Variants in ZNF605 observed in about 807,000 individuals in gnomAD.
ZNF605 encodes the protein zinc finger protein 605.
ZNF605 carries 9 observed loss-of-function variants against 7.9 expected under a neutral mutation model. The observed-to-expected ratio is 1.14, with a 90% CI of 0.68 to 1.98. The LOEUF (loss-of-function observed/expected upper bound fraction) is 1.98. Ranked by LOEUF, ZNF605 falls within the 30% of genes most tolerant of loss-of-function variation. The pLI, the probability that ZNF605 is intolerant of heterozygous loss-of-function variation, is 0.00. For synonymous variants in ZNF605, 255 were observed against 260.1 expected (o/e 0.98, Z 0.19); for missense variants, 673 against 762.4 (o/e 0.88, Z 1.38).
At position 132,939,057 on chromosome 12, in the gene ZNF605, C is replaced by T. The variant is rs1277196646; in HGVS notation, c.16-5902G>A. 1.3e-4 allele frequency among the ~76,000 whole-genome samples: 19 copies of T among 151,466 alleles called. 1 individual carries two copies. The highest frequency in any genetic ancestry group is 5.9e-4 in the Admixed American group (9 of 15,214). ...CCCACCCACTCCATGGGCTCCCATG[C>T]GGCCCCAGCCTCCCTGACGAGCACC... On this transcript the variant is annotated intron_variant, in intron 3 of 4. Transcript: ENST00000360187.
At chr12:132,945,850 T>A in intron 2 of ZNF605, 53 bp from the exon 3 acceptor site, 3 of 678,242 alleles carry the variant, frequency 4.4e-6, no homozygotes, top group South Asian at 1.8e-5. Context: ...TTTGGGAACC[T>A]AAATCTTGGT....
chr12:132,928,789 A>C (rs1205342213), intron 4 of ZNF605, among the ~76,000 whole-genome samples: 1 of 152,076 alleles, frequency 6.6e-6, no homozygotes, highest in Non-Finnish European at 1.5e-5. Flanking sequence ...AGGTGGGAGG[A>C]CTGCTTGAGC....
intron 3 of ZNF605, 165 bp downstream of exon 3, chr12:132,945,454 CAG>C (rs1461286529): frequency 1.5e-6 from 1 of 687,910 alleles, no homozygotes; most frequent in African/African-American, 1.8e-5. Flanking sequence ...TTTCATGAAA[CAG>C]AGGATAAACC....
rs572911521 is a variant in ZNF605, at chr12:132,920,176, A to C, written c.*5197T>G. On this transcript the variant is annotated 3_prime_UTR_variant, in exon 5 of 5. Coordinates refer to ENST00000360187, the MANE Select transcript of ZNF605 (RefSeq NM_183238.4). ...TTTTTTTGAGACAGAGCCTCGCTCT[A>C]TCACCCAGGCTGGAGTGCAGTGGTG... is the stretch of plus-strand genomic sequence containing the variant. 4 of 137,118 alleles carry C rather than the reference A, an allele frequency of 2.9e-5. No individual in the cohort carries two copies. Among genetic ancestry groups the C allele is most frequent in the Non-Finnish European group, 6.2e-5 (4 of 64,082 alleles). 8.5% of individuals were successfully genotyped at this position (137,118 alleles called of 1,614,324 possible).
chr12:132,933,161 A>G lies in ZNF605; in HGVS notation c.16-6T>C. 1 of 1,604,822 alleles carries G rather than the reference A, an allele frequency of 6.2e-7. No homozygotes were observed. Among genetic ancestry groups the G allele is most frequent in the Non-Finnish European group, 8.5e-7 (1 of 1,175,482 alleles). ...GCCACATCCTCAAATGATATCTGGA[A>G]AAGCATAATCCCTGTTAAACCTGAA... is the stretch of plus-strand genomic sequence containing the variant. On this transcript the variant is annotated splice_region_variant and splice_polypyrimidine_tract_variant and intron_variant, in intron 3 of 4. Coordinates refer to ENST00000360187, the MANE Select transcript of ZNF605 (RefSeq NM_183238.4). This position sits in a 1 kb window ranked among gnomAD's most constrained non-coding sequence, Gnocchi z 4.4.
intron 1 of ZNF605, among the ~76,000 whole-genome samples, chr12:132,951,698 A>T (rs372845889): frequency 0.024 from 3,636 of 152,098 alleles, 145 homozygotes; most frequent in African/African-American, 0.082. Context: ...TCAGATATAC[A>T]CGTACACCAC....
intron 1 of ZNF605, among the ~76,000 whole-genome samples, chr12:132,955,667 C>A (rs892882150): frequency 6.6e-6 from 1 of 152,104 alleles, no homozygotes; most frequent in African/African-American, 2.4e-5. Context: ...GCAGGCTTTC[C>A]AGTGAATGGA....
intron 4 of ZNF605, among the ~76,000 whole-genome samples, chr12:132,932,132 A>G (rs1256819497): frequency 6.6e-6 from 1 of 152,018 alleles, no homozygotes; most frequent in Non-Finnish European, 1.5e-5. Context: ...AGTAGTAGAT[A>G]TGGGGTCTTG....
intron 1 of ZNF605, among the ~76,000 whole-genome samples, chr12:132,953,566 A>G (rs1294354182): frequency 6.6e-6 from 1 of 152,150 alleles, no homozygotes; most frequent in Non-Finnish European, 1.5e-5. Flanking sequence ...AGGTGGGATT[A>G]CAGGCGCCCA....
chr12:132,925,916 C>T lies in ZNF605; in HGVS notation c.1383G>A (p.Lys461=), dbSNP rs763493055. 2 of 1,614,036 alleles carry T rather than the reference C, an allele frequency of 1.2e-6. No individual in the cohort carries two copies. Among genetic ancestry groups the T allele is most frequent in the South Asian group, 1.1e-5 (1 of 91,088 alleles). Residue 461 remains lysine, a synonymous_variant, in exon 5 of 5, where the codon AAG becomes AAA. Transcript: ENST00000360187. ...CSECGKAFTQ[K]SSLISHQRTH... ...TTCTCTGATGTGATATCAGGCTTGACTTCTGGGTGAAGGCCTTCCCACACT... is the reference window on the plus strand; with the variant it reads ...TTCTCTGATGTGATATCAGGCTTGATTTCTGGGTGAAGGCCTTCCCACACT...
rs1952253625 is a variant in ZNF605, at chr12:132,926,918, T to A, written c.381A>T (p.Leu127Phe). 1.2e-6 allele frequency: 2 copies of A among 1,612,580 alleles called. No homozygotes were observed. The highest frequency in any genetic ancestry group is 4.5e-5 in the East Asian group (2 of 44,878). ...TTCTGCCAGGTTTGATACAGAACAA[T>A]AATTTCTTATTGAGTTCATCAATTT... ...RKKIDELNKKLLFCIKPGRTH... is the reference protein window; with the variant it reads ...RKKIDELNKKFLFCIKPGRTH... The change falls in exon 5 of 5, where the codon TTA becomes TTT. Residue 127 changes from leucine (L) to phenylalanine (F), a missense_variant. By Grantham distance (22) the Leu-to-Phe change is conservative. Transcript: ENST00000360187.
chr12:132,945,778 T>A lies in ZNF605; in HGVS notation c.-143A>T. On this transcript the variant is annotated 5_prime_UTR_variant, in exon 3 of 5. In the 5' UTR this introduces an upstream ATG that the reference lacks. Coordinates refer to ENST00000360187, the MANE Select transcript of ZNF605 (RefSeq NM_183238.4). Reference sequence around the variant, plus strand: ...TCTTTCTTATCTCACATGAATTGTCTTGTTCCAGAGGGCTATTGCCTGTGG... The same window carrying A: ...TCTTTCTTATCTCACATGAATTGTCATGTTCCAGAGGGCTATTGCCTGTGG... The A allele has an allele frequency of 1.6e-6, 2 of 1,242,516 alleles. No homozygotes were observed. Among genetic ancestry groups the A allele is most frequent in the Non-Finnish European group, 2.4e-6 (2 of 844,672 alleles). 77.0% of individuals were successfully genotyped at this position (1,242,516 alleles called of 1,614,324 possible). A position where few individuals can be genotyped will look rare whatever the true frequency, so the allele number is the denominator to read the frequency against.
At chr12:132,937,312 T>C (rs369940289) in intron 3 of ZNF605, among the ~76,000 whole-genome samples, 2,814 of 137,060 alleles carry the variant, frequency 0.021, 46 homozygotes, top group Middle Eastern at 0.036. Context: ...TGAGCCGAGA[T>C]GGTGCCATTG....
Position 132,926,898 on chromosome 12 carries a change from C to T in ZNF605, c.401G>A (p.Gly134Asp), listed in dbSNP as rs1364577428. 2 of 1,613,912 alleles carry T rather than the reference C, an allele frequency of 1.2e-6. No individual in the cohort carries two copies. The highest frequency in any genetic ancestry group is 1.7e-6 in the Non-Finnish European group (2 of 1,180,010). Reference protein sequence around the residue: ...NKKLLFCIKPGRTHGGIKYCD... With the variant: ...NKKLLFCIKPDRTHGGIKYCD... ...GTATTTTATCCCACCATGGGTTCTGCCAGGTTTGATACAGAACAATAATTT... is the reference window on the plus strand; with the variant it reads ...GTATTTTATCCCACCATGGGTTCTGTCAGGTTTGATACAGAACAATAATTT... Residue 134 changes from glycine (G) to aspartate (D), a missense_variant, in exon 5 of 5, where the codon GGC (glycine) becomes GAC (aspartate). By Grantham distance (94) the Gly-to-Asp change is moderately conservative. Transcript: ENST00000360187.
chr12:132,937,784 A>G (rs1247300081), intron 3 of ZNF605, among the ~76,000 whole-genome samples: 6 of 147,224 alleles, frequency 4.1e-5, no homozygotes, highest in Non-Finnish European at 9.2e-5. Context: ...AAACTGCTAA[A>G]AAGTGGAACA....
chr12:132,928,043 A>G (rs1375583168), intron 4 of ZNF605, among the ~76,000 whole-genome samples: 3 of 152,220 alleles, frequency 2.0e-5, no homozygotes, highest in Non-Finnish European at 4.4e-5. Context: ...ATTTCCAATC[A>G]AATACTGAAG....
In ZNF605 at chr12:132,925,648, G is replaced by A; in HGVS notation, c.1651C>T (p.His551Tyr). Residue 551 changes from histidine to tyrosine, a missense_variant, in exon 5 of 5, where the codon CAT becomes TAT. Transcript: ENST00000360187. The stretch of plus-strand genomic sequence containing the variant: ...TTCTCTCCTGTGTGATTTCTTTGAT[G>A]CTTAATGAGCTGCACTTTCTGAACA... ...AFVQKVQLIK[H>Y]QRNHTGEKTY... 6.2e-7 allele frequency: 1 copy of A among 1,614,160 alleles called. No individual in the cohort carries two copies. The highest frequency in any genetic ancestry group is 8.5e-7 in the Non-Finnish European group (1 of 1,180,022).
intron 1 of ZNF605, among the ~76,000 whole-genome samples, chr12:132,950,201 T>C (rs1952542580): frequency 6.6e-6 from 1 of 152,060 alleles, no homozygotes; most frequent in Non-Finnish European, 1.5e-5. Context: ...TTTGAGTGAA[T>C]GCAGAGGGGA....
chr12:132,952,905 CCACCAA>C (rs1952587311), intron 1 of ZNF605, among the ~76,000 whole-genome samples: 7 of 152,002 alleles, frequency 4.6e-5, no homozygotes, highest in Non-Finnish European at 1.0e-4. Flanking sequence ...GCTTCCAGAC[CCACCAA>C]CACGGCCCTG....
Sources: allele counts gnomAD v4.1 joint callset (sites outside exome capture counted in the v4.1 genomes callset), GRCh38; gene constraint gnomAD v4.1.1; non-coding constraint Gnocchi (gnomAD v3.1); transcripts MANE v1.5; gene names NCBI Gene and HGNC (gene_info 2026-07-23, HGNC 2026-07-21).